The following USP53 variants were observed in gnomAD, a reference collection of about 807,000 sequenced individuals.
USP53 encodes ubiquitin specific peptidase 53, also known as ubiquitin carboxyl-terminal hydrolase 53.
In USP53, 71 loss-of-function variants were observed where a neutral mutation model predicts 94.9. The observed-to-expected ratio is 0.75, with a 90% confidence interval of 0.62 to 0.91. The LOEUF is 0.91. USP53 is among the 40% of genes least tolerant of loss of function. USP53 has a pLI of 0.00. For synonymous variants in USP53, 375 were observed against 422.7 expected (o/e 0.89, Z 1.39); for missense variants, 1,173 against 1,281.0 (o/e 0.92, Z 1.29).
At chr4:119,289,808 G>T (rs1754534867) in intron 17 of USP53, among the ~76,000 whole-genome samples, 1 of 152,168 alleles carries the variant, frequency 6.6e-6, no homozygotes, top group Admixed American at 6.5e-5. Flanking sequence ...CCATAAGGGG[G>T]AATCAAAAAC....
chr4:119,253,535 G>A (rs1183772885), intron 7 of USP53, among the ~76,000 whole-genome samples: 1 of 152,046 alleles, frequency 6.6e-6, no homozygotes, highest in Non-Finnish European at 1.5e-5. Flanking sequence ...GACCAGGATT[G>A]CAACCCCTGC....
At chr4:119,249,072 GT>G (rs1270060104) in intron 7 of USP53, among the ~76,000 whole-genome samples, 190 bp downstream of exon 7, 2 of 152,086 alleles carry the variant, frequency 1.3e-5, no homozygotes, top group African/African-American at 4.8e-5. Flanking sequence ...TGTACTTTTG[GT>G]TTTGATTATT....
At chr4:119,283,050 A>T (rs1164492380) in intron 17 of USP53, among the ~76,000 whole-genome samples, 3 of 151,984 alleles carry the variant, frequency 2.0e-5, no homozygotes, top group African/African-American at 7.2e-5. Context: ...ATTAATAGAG[A>T]TATTATATAG....
At position 119,271,960 on chromosome 4, in the gene USP53, T is replaced by C; in HGVS notation, c.2100T>C (p.Asn700=). The C allele has an allele frequency of 6.2e-7, 1 of 1,613,904 alleles. No homozygotes were observed. The highest frequency in any genetic ancestry group is 1.1e-5 in the South Asian group (1 of 90,978). Residue 700 remains asparagine (N), a synonymous_variant, in exon 16 of 19, where the codon AAT becomes AAC. Coordinates refer to ENST00000692078, the MANE Select transcript of USP53 (RefSeq NM_001371395.1). The part of the protein sequence containing the change: ...SSDHISNGST[N]LDSPVIDGNG... ...ATCACATCAGTAATGGTTCTACTAA[T>C]TTGGACTCACCTGTTATCGATGGAA...
intron 6 of USP53, among the ~76,000 whole-genome samples, chr4:119,247,510 G>A (rs747376154): frequency 3.3e-5 from 5 of 152,012 alleles, no homozygotes; most frequent in East Asian, 3.9e-4. Context: ...TCCTATCCCC[G>A]TTACACTGCT....
chr4:119,269,898 C>T, intron 15 of USP53, 61 bp downstream of exon 15: 1 of 1,158,346 alleles, frequency 8.6e-7, no homozygotes. Context: ...TATTTTAAAA[C>T]TGAATTTTAT....
chr4:119,280,043 G>A (rs960554608), intron 17 of USP53, among the ~76,000 whole-genome samples: 14 of 152,178 alleles, frequency 9.2e-5, no homozygotes, highest in Non-Finnish European at 2.9e-5. Context: ...AGATGGAAAT[G>A]CAGAAATCAC....
chr4:119,271,531 A>C lies in USP53; in HGVS notation c.1671A>C (p.Gly557=), dbSNP rs1561307929. 1 of 1,613,684 alleles carries C rather than the reference A, an allele frequency of 6.2e-7. No individual in the cohort carries two copies. Among genetic ancestry groups the C allele is most frequent in the Non-Finnish European group, 8.5e-7 (1 of 1,180,032 alleles). The part of the protein sequence containing the change: ...TGKVKSDNGT[G]YDTDSSQDSR... ...AAGTTAAGAGTGACAATGGCACTGG[A>C]TATGACACAGACAGCAGCCAAGATT... is the stretch of plus-strand genomic sequence containing the variant. The change falls in exon 16 of 19, where the codon GGA becomes GGC. Residue 557 remains glycine (G), a synonymous_variant. Transcript: ENST00000692078.
rs1471800449 is a variant in USP53 at position 119,293,287 on chromosome 4, G to A, written c.*76G>A. On this transcript the variant is annotated 3_prime_UTR_variant, in exon 19 of 19. Transcript: ENST00000692078. ...CCTTCTGAACAAAGATATAAACCTAGCATACATTGTAATAGATAACTGGTA... is the reference window on the plus strand; with the variant it reads ...CCTTCTGAACAAAGATATAAACCTAACATACATTGTAATAGATAACTGGTA... The A allele has an allele frequency of 6.8e-7, 1 of 1,470,452 alleles. No individual in the cohort carries two copies. The highest frequency in any genetic ancestry group is 9.0e-7 in the Non-Finnish European group (1 of 1,110,142). 91.1% of individuals were successfully genotyped at this position (1,470,452 alleles called of 1,614,324 possible). A position where few individuals can be genotyped will look rare whatever the true frequency, so the allele number is the denominator to read the frequency against.
At chr4:119,276,557 T>G (rs1297340108) in intron 17 of USP53, among the ~76,000 whole-genome samples, 24 of 148,764 alleles carry the variant, frequency 1.6e-4, no homozygotes. Context: ...GGTCTAAAAT[T>G]CTCTTTTTTG....
At chr4:119,283,040 A>C (rs1753686318) in intron 17 of USP53, among the ~76,000 whole-genome samples, 1 of 151,938 alleles carries the variant, frequency 6.6e-6, no homozygotes, top group African/African-American at 2.4e-5. Flanking sequence ...TTTTTATTCC[A>C]TTAATAGAGA....
chr4:119,275,026 A>T (rs1578543858), intron 17 of USP53, among the ~76,000 whole-genome samples: 1 of 55,558 alleles, frequency 1.8e-5, no homozygotes. Flanking sequence ...GGTTGCGAAA[A>T]TTTTCTCCCA....
Position 119,248,837 on chromosome 4 carries a change from G to A in USP53, c.327G>A (p.Glu109=), listed in dbSNP as rs1362245434. ...CTCTTGCAGAAAGTTTCAAAGATGAGCAGCGATTTCAACTTGGCCTTATGG... is the reference window on the plus strand; with the variant it reads ...CTCTTGCAGAAAGTTTCAAAGATGAACAGCGATTTCAACTTGGCCTTATGG... The part of the protein sequence containing the change: ...RHALAESFKD[E]QRFQLGLMDD... Residue 109 remains glutamate, a synonymous_variant, in exon 7 of 19, where the codon GAG becomes GAA. Transcript: ENST00000692078. The A allele has an allele frequency of 6.2e-7, 1 of 1,614,138 alleles. No homozygotes were observed. Among genetic ancestry groups the A allele is most frequent in the Non-Finnish European group, 8.5e-7 (1 of 1,180,020 alleles).
intron 17 of USP53, among the ~76,000 whole-genome samples, chr4:119,276,483 C>G (rs1415986971): frequency 6.6e-6 from 1 of 151,790 alleles, no homozygotes; most frequent in Admixed American, 6.6e-5. Flanking sequence ...TTTTGATGTG[C>G]TGCTGGATTT....
chr4:119,289,582 G>A (rs958738756), intron 17 of USP53, among the ~76,000 whole-genome samples: 2 of 152,188 alleles, frequency 1.3e-5, no homozygotes, highest in Non-Finnish European at 1.5e-5. Flanking sequence ...GGTGGTACAT[G>A]ACTAAAATAA....
At position 119,292,514 on chromosome 4, in the gene USP53, C is replaced by T. The variant is rs371137416; in HGVS notation, c.2525C>T (p.Pro842Leu). Residue 842 changes from proline to leucine, a missense_variant, in exon 19 of 19, where the codon CCT (proline) becomes CTT (leucine). Physicochemically the swap from Pro to Leu is moderately conservative, Grantham distance 98. Coordinates refer to ENST00000692078, the MANE Select transcript of USP53 (RefSeq NM_001371395.1). ...GAAAATTCTGAGAGAACAGGTTTGCCTTTTCACGTTGATAACTCTGCTTCT... is the reference window on the plus strand; with the variant it reads ...GAAAATTCTGAGAGAACAGGTTTGCTTTTTCACGTTGATAACTCTGCTTCT... ...NIENSERTGL[P>L]FHVDNSASGK... 316 of 1,613,968 alleles carry T rather than the reference C, an allele frequency of 2.0e-4. 4 individuals carry two copies. In the South Asian group the frequency reaches 2.9e-3, roughly 15 times the overall value.
chr4:119,230,843 A>G (rs948564003), intron 3 of USP53, among the ~76,000 whole-genome samples: 4 of 152,162 alleles, frequency 2.6e-5, no homozygotes, highest in African/African-American at 9.7e-5. Context: ...CCTGTAGGCC[A>G]AAGCCTTTAT....
chr4:119,269,875 C>G (rs368974313), intron 15 of USP53, 38 bp downstream of exon 15: 34 of 1,292,478 alleles, frequency 2.6e-5, no homozygotes, highest in Non-Finnish European at 3.2e-5. Flanking sequence ...TTAAAAGGAA[C>G]TTCTAAAAAT....
Position 119,279,156 on chromosome 4 carries a change from C to A in USP53, c.2251+5448C>A, listed in dbSNP as rs1025448493. 8.8e-5 allele frequency among the ~76,000 whole-genome samples: 13 copies of A among 148,102 alleles called. No individual in the cohort carries two copies. In the East Asian group the frequency reaches 1.6e-3, roughly 18 times the overall value. ...CTGTTGCTGGTGAGGAACTGCGTTC[C>A]TTTGAAGGAGGAGAGGCGCTCTGCG... On this transcript the variant is annotated intron_variant, in intron 17 of 18. Coordinates refer to ENST00000692078, the MANE Select transcript of USP53 (RefSeq NM_001371395.1).
Sources: gnomAD v4.1 joint callset for allele counts (sites outside exome capture counted in the v4.1 genomes callset) on GRCh38, gnomAD v4.1.1 for gene constraint, MANE v1.5 for transcripts, NCBI Gene and HGNC (gene_info 2026-07-23, HGNC 2026-07-21) for gene names.